The following BCAS4 variants were observed in gnomAD, a reference collection of about 807,000 sequenced individuals.
The protein encoded by BCAS4 is breast carcinoma-amplified sequence 4.
A neutral mutation model predicts 15.7 loss-of-function variants in BCAS4; 9 were observed. That is an observed-to-expected ratio of 0.57 (90% CI 0.34 to 1.00). The LOEUF is 1.00. Among genes scored for constraint, BCAS4 ranks in the 50% least tolerant of loss-of-function variants. The probability of loss-of-function intolerance (pLI) is 0.02; values close to 1 mark genes in which losing one functional copy is unlikely to be tolerated. For missense variants in BCAS4, 225 were observed against 239.1 expected (o/e 0.94, Z 0.39); for synonymous variants, 101 against 99.5 (o/e 1.02, Z -0.09).
chr20:50,810,520 G>A (rs1192769970), intron 1 of BCAS4, among the ~76,000 whole-genome samples: 5 of 151,984 alleles, frequency 3.3e-5, no homozygotes, highest in African/African-American at 4.8e-5. Flanking sequence ...TGTGTCCTCC[G>A]GAGGTTTCAT....
intron 4 of BCAS4, among the ~76,000 whole-genome samples, chr20:50,856,811 A>G (rs1978782141): frequency 6.6e-6 from 1 of 152,140 alleles, no homozygotes; most frequent in African/African-American, 2.4e-5. Flanking sequence ...GCAGTCATTT[A>G]TTGAGCACCT....
At chr20:50,863,117 A>G (rs1375227528) in intron 4 of BCAS4, among the ~76,000 whole-genome samples, 1 of 151,830 alleles carries the variant, frequency 6.6e-6, no homozygotes, top group Non-Finnish European at 1.5e-5. Context: ...GGCATGAGCC[A>G]CCATGCCTGG....
chr20:50,876,571 C>A lies in BCAS4; in HGVS notation c.485C>A (p.Ala162Glu), dbSNP rs1239835267. 3 of 1,613,996 alleles carry A rather than the reference C, an allele frequency of 1.9e-6. No homozygotes were observed. The highest frequency in any genetic ancestry group is 1.3e-5 in the African/African-American group (1 of 74,910). The change falls in exon 5 of 5, where the codon GCA (alanine) becomes GAA (glutamate). Residue 162 changes from alanine to glutamate, a missense_variant. Physicochemically the swap from Ala to Glu is moderately radical, Grantham distance 107. Transcript: ENST00000371608. ...EDYFPVDAGE[A>E]QHHPRTCPRP... is the part of the protein sequence containing the mutation. ...TATTTTCCTGTGGACGCCGGGGAAGCACAGCACCACCCCCGCACCTGCCCT... is the reference window on the plus strand; with the variant it reads ...TATTTTCCTGTGGACGCCGGGGAAGAACAGCACCACCCCCGCACCTGCCCT...
intron 3 of BCAS4, among the ~76,000 whole-genome samples, chr20:50,836,088 T>C (rs750839473): frequency 5.9e-5 from 9 of 152,056 alleles, no homozygotes; most frequent in Non-Finnish European, 1.2e-4. Context: ...TGGCTAACTT[T>C]TGTAGTTTTA....
At chr20:50,815,363 G>A (rs1205735737) in intron 1 of BCAS4, among the ~76,000 whole-genome samples, 8 of 152,250 alleles carry the variant, frequency 5.3e-5, no homozygotes, top group Admixed American at 3.3e-4. Context: ...GTCTGGACCC[G>A]TGTCTGCGTT....
At chr20:50,824,087 A>T (rs112515602) in intron 2 of BCAS4, among the ~76,000 whole-genome samples, 16 of 152,338 alleles carry the variant, frequency 1.1e-4, no homozygotes, top group African/African-American at 3.8e-4. Flanking sequence ...AAAGCACCAG[A>T]GGGGCATGAC....
intron 4 of BCAS4, among the ~76,000 whole-genome samples, chr20:50,874,110 C>A (rs1979795581): frequency 6.6e-6 from 1 of 152,168 alleles, no homozygotes; most frequent in African/African-American, 2.4e-5. Context: ...ATTCTCTCTC[C>A]TGCTCTTCCT....
intron 1 of BCAS4, among the ~76,000 whole-genome samples, chr20:50,795,916 C>T (rs2087850833): frequency 6.6e-6 from 1 of 152,172 alleles, no homozygotes; most frequent in South Asian, 2.1e-4. Context: ...ATGTAGATAT[C>T]TGTATCTGCC....
Position 50,795,187 on chromosome 20 carries a change from C to A in BCAS4, c.90+14C>A. On this transcript the variant is annotated intron_variant, in intron 1 of 4. Transcript: ENST00000371608. The stretch of plus-strand genomic sequence containing the variant: ...CCTGGGGCCGAGGTAGGGGACGGGG[C>A]TGTGGAGTTGGAGGAGAGGGTTCTC... The A allele has an allele frequency of 7.2e-7, 1 of 1,393,096 alleles. No individual in the cohort carries two copies. The highest frequency in any genetic ancestry group is 9.4e-7 in the Non-Finnish European group (1 of 1,062,102). 86.3% of individuals were successfully genotyped at this position (1,393,096 alleles called of 1,614,324 possible).
intron 4 of BCAS4, among the ~76,000 whole-genome samples, chr20:50,848,816 C>T (rs1285223000): frequency 6.6e-6 from 1 of 152,254 alleles, no homozygotes; most frequent in African/African-American, 2.4e-5. Context: ...CTGGAATCCT[C>T]CCCTTGCCAG....
chr20:50,877,009 T>C lies in BCAS4; in HGVS notation c.*401T>C. The C allele has an allele frequency of 6.3e-6, 1 of 158,780 alleles. No individual in the cohort carries two copies. Among genetic ancestry groups the C allele is most frequent in the African/African-American group, 2.4e-5 (1 of 41,646 alleles). The allele number at this position is 158,780 out of a possible 1,614,324, so 9.8% of individuals were successfully genotyped here. A position where few individuals can be genotyped will look rare whatever the true frequency, so the allele number is the denominator to read the frequency against. ...GCTGATGGACAGTGGGGACTTTCCTTCTCTCCATGATGGCTTTGCAGGGGC... is the reference window on the plus strand; with the variant it reads ...GCTGATGGACAGTGGGGACTTTCCTCCTCTCCATGATGGCTTTGCAGGGGC... On this transcript the variant is annotated 3_prime_UTR_variant, in exon 5 of 5. Coordinates refer to ENST00000371608, the MANE Select transcript of BCAS4 (RefSeq NM_198799.4).
rs192529506 is a variant in BCAS4, at chr20:50,795,441, C to G, written c.90+268C>G. Among the ~76,000 whole-genome samples, 980 of 152,280 alleles carry G rather than the reference C, an allele frequency of 6.4e-3. 6 individuals carry two copies. Among genetic ancestry groups the G allele is most frequent in the African/African-American group, 0.023 (941 of 41,574 alleles). On this transcript the variant is annotated intron_variant, in intron 1 of 4. Transcript: ENST00000371608. ...CCCCAGCATCCGCCGGGTCCTCAGG[C>G]GCCGCCCTTTGCCAGGCCGGCCCTG...
intron 4 of BCAS4, among the ~76,000 whole-genome samples, chr20:50,865,990 G>C (rs1276402773): frequency 6.6e-6 from 1 of 152,158 alleles, no homozygotes; most frequent in Non-Finnish European, 1.5e-5. Context: ...GGGCACCCAG[G>C]ACCTAGGGGA....
intron 3 of BCAS4, among the ~76,000 whole-genome samples, chr20:50,839,804 G>A (rs1042065342): frequency 1.3e-5 from 2 of 152,092 alleles, no homozygotes; most frequent in Non-Finnish European, 2.9e-5. Context: ...TATTCCACCT[G>A]GCCAAGGTTG....
At chr20:50,795,315 G>A (rs2087840687) in intron 1 of BCAS4, 142 bp downstream of exon 1, 1 of 764,342 alleles carries the variant, frequency 1.3e-6, no homozygotes, top group South Asian at 4.6e-5. Flanking sequence ...GGGTGGCTGC[G>A]GGGCGCCACG....
At chr20:50,828,869 C>G (rs767217452) in intron 2 of BCAS4, among the ~76,000 whole-genome samples, 1 of 152,054 alleles carries the variant, frequency 6.6e-6, no homozygotes, top group Non-Finnish European at 1.5e-5. Context: ...GGTGAGACCA[C>G]GGGGGGCACA....
downstream of BCAS4, chr20:50,879,864 A>T (rs1980083585): frequency 6.5e-6 from 1 of 152,684 alleles, no homozygotes; most frequent in African/African-American, 2.4e-5. Context: ...AGACATGAGG[A>T]TGGCTCTGGT....
chr20:50,848,024 G>A (rs2088567929), intron 4 of BCAS4, among the ~76,000 whole-genome samples: 1 of 152,042 alleles, frequency 6.6e-6, no homozygotes, highest in Non-Finnish European at 1.5e-5. Context: ...GGGAAACAGA[G>A]CAAGACTCTG....
chr20:50,807,032 C>T lies in BCAS4; in HGVS notation c.91-11179C>T, dbSNP rs183900180. Among the ~76,000 whole-genome samples the T allele has an allele frequency of 4.6e-5, 7 of 151,752 alleles. No individual in the cohort carries two copies. The East Asian group carries it at 1.2e-3, about 25-fold the overall frequency. ...GATTACAGGTGTGCACCACCACACACGGCTAATTTTTGTATTTTTAGTAGA... is the reference window on the plus strand; with the variant it reads ...GATTACAGGTGTGCACCACCACACATGGCTAATTTTTGTATTTTTAGTAGA... On this transcript the variant is annotated intron_variant, in intron 1 of 4. Transcript: ENST00000371608.
Sources: gnomAD v4.1 joint callset for allele counts (sites outside exome capture counted in the v4.1 genomes callset) on GRCh38, gnomAD v4.1.1 for gene constraint, MANE v1.5 for transcripts, NCBI Gene and HGNC (gene_info 2026-07-23, HGNC 2026-07-21) for gene names.